ADAM17: variants seen among roughly 807,000 people sequenced by gnomAD.
The protein encoded by ADAM17 is ADAM metallopeptidase domain 17.
ADAM17 carries 39 observed loss-of-function variants against 96.7 expected under a neutral mutation model. The observed-to-expected ratio is 0.40, with a 90% CI of 0.31 to 0.53. The LOEUF (loss-of-function observed/expected upper bound fraction) is 0.53. Ranked by LOEUF, ADAM17 falls within the 20% of genes least tolerant of loss-of-function variation. The pLI, the probability that ADAM17 is intolerant of heterozygous loss-of-function variation, is 0.44. For synonymous variants in ADAM17, 344 were observed against 359.2 expected, an observed-to-expected ratio of 0.96 and a Z score of 0.48; for missense variants, 777 against 1,013.2, an observed-to-expected ratio of 0.77 and a Z score of 3.17.
intron 4 of ADAM17, among the ~76,000 whole-genome samples, chr2:9,531,396 T>C (rs1664732488): frequency 6.6e-6 from 1 of 151,658 alleles, no homozygotes; most frequent in Non-Finnish European, 1.5e-5. Flanking sequence ...TGAAACCCCG[T>C]CTCTACTAAA....
At chr2:9,530,123 G>C (rs1216943899) in intron 4 of ADAM17, among the ~76,000 whole-genome samples, 1 of 152,114 alleles carries the variant, frequency 6.6e-6, no homozygotes, top group East Asian at 1.9e-4. Flanking sequence ...AAGAAACAAG[G>C]GTTACAGAAT....
intron 10 of ADAM17, among the ~76,000 whole-genome samples, chr2:9,515,463 G>A (rs901661169): frequency 2.6e-5 from 4 of 152,062 alleles, no homozygotes; most frequent in Admixed American, 1.3e-4. Flanking sequence ...ATGGCTGGGC[G>A]TAGTGGCTCA....
At chr2:9,491,275 G>A in intron 17 of ADAM17, 124 bp from the exon 18 acceptor site, 2 of 813,352 alleles carry the variant, frequency 2.5e-6, no homozygotes, top group Non-Finnish European at 3.9e-6. Flanking sequence ...GAAAGTGATA[G>A]CAGGCTCAAC....
intron 10 of ADAM17, among the ~76,000 whole-genome samples, chr2:9,513,049 C>T (rs563034060): frequency 2.0e-5 from 3 of 152,028 alleles, no homozygotes; most frequent in Admixed American, 1.3e-4. Flanking sequence ...TTGACCAGTA[C>T]AGTGGCGCAA....
At position 9,490,404 on chromosome 2, in the gene ADAM17, C is replaced by T. The variant is rs374624230; in HGVS notation, c.2248G>A (p.Ala750Thr). 1.9e-6 allele frequency: 3 copies of T among 1,614,130 alleles called. No individual in the cohort carries two copies. Among genetic ancestry groups the T allele is most frequent in the Non-Finnish European group, 2.5e-6 (3 of 1,180,024 alleles). Reference sequence around the variant, plus strand: ...CTCTGGTGGTCCAGTTTTGGAGCTGCTGGCGCCGAAGGGATCACAGGGGCA... The same window carrying T: ...CTCTGGTGGTCCAGTTTTGGAGCTGTTGGCGCCGAAGGGATCACAGGGGCA... ...QPAPVIPSAP[A>T]APKLDHQRMD... is the part of the protein sequence containing the mutation. The change falls in exon 19 of 19, where the codon GCA becomes ACA. Residue 750 changes from alanine to threonine, a missense_variant. Ala to Thr is a moderately conservative substitution (Grantham distance 58, BLOSUM62 0). Around this residue, in one of 3 missense-constraint regions of ADAM17, gnomAD observed 197 missense variants for 219.4 expected, o/e 0.90. Transcript: ENST00000310823.
chr2:9,495,447 T>C (rs1662498507), intron 14 of ADAM17, among the ~76,000 whole-genome samples: 1 of 152,154 alleles, frequency 6.6e-6, no homozygotes. Flanking sequence ...GAGCAGTGGC[T>C]CTCGCTTGTA....
intron 1 of ADAM17, among the ~76,000 whole-genome samples, chr2:9,552,194 T>C (rs1208391696): frequency 6.6e-6 from 1 of 152,192 alleles, no homozygotes; most frequent in Admixed American, 6.5e-5. Flanking sequence ...TATACACTTA[T>C]TATCTCACAA....
rs561117734 is a variant in ADAM17, at chr2:9,506,509, G to A, written c.1345-1144C>T. Among the ~76,000 whole-genome samples, 14 of 152,002 alleles carry A rather than the reference G, an allele frequency of 9.2e-5. No homozygotes were observed. In the East Asian group the frequency reaches 1.9e-3, roughly 21 times the overall value. On this transcript the variant is annotated intron_variant, in intron 11 of 18. Coordinates refer to ENST00000310823, the MANE Select transcript of ADAM17 (RefSeq NM_003183.6). Reference sequence around the variant, plus strand: ...AGCCTCCTGAGTAGCTAGGACTACAGGTGCATGCCACCACGCCCAGCTAAT... The same window carrying A: ...AGCCTCCTGAGTAGCTAGGACTACAAGTGCATGCCACCACGCCCAGCTAAT...
At chr2:9,535,172 AC>A (rs2125033992) in intron 4 of ADAM17, among the ~76,000 whole-genome samples, 1 of 152,318 alleles carries the variant, frequency 6.6e-6, no homozygotes, top group East Asian at 1.9e-4. Context: ...TTTCATTTTG[AC>A]CAATCTTACT....
chr2:9,543,419 AT>A (rs1370169066), intron 1 of ADAM17, 134 bp from the exon 2 acceptor site: 2 of 804,712 alleles, frequency 2.5e-6, no homozygotes, highest in Non-Finnish European at 3.4e-6. Context: ...ACTATAAATC[AT>A]TTTTTATCAA....
At position 9,555,500 on chromosome 2, in the gene ADAM17, G is replaced by C. The variant is rs1221178899; in HGVS notation, c.97+9C>G. ...GCGCCGGCCTAAGCCAACTCCCCTG[G>C]GTCTTTACCGAGTCTCTGGTGGGGG... On this transcript the variant is annotated intron_variant, in intron 1 of 18. Transcript: ENST00000310823. 1 of 1,584,784 alleles carries C rather than the reference G, an allele frequency of 6.3e-7. No individual in the cohort carries two copies. Among genetic ancestry groups the C allele is most frequent in the Non-Finnish European group, 8.6e-7 (1 of 1,165,550 alleles).
At chr2:9,492,314 A>G (rs1042121911) in intron 17 of ADAM17, among the ~76,000 whole-genome samples, 22 of 152,252 alleles carry the variant, frequency 1.4e-4, no homozygotes. Context: ...CCTCAAATTT[A>G]TAAAGGACCA....
intron 1 of ADAM17, among the ~76,000 whole-genome samples, chr2:9,545,347 T>C (rs1360867279): frequency 6.6e-6 from 1 of 151,980 alleles, no homozygotes; most frequent in African/African-American, 2.4e-5. Flanking sequence ...GGCGGGTGGA[T>C]CACCTGAGGT....
At chr2:9,494,223 A>T (rs907437060) in intron 15 of ADAM17, among the ~76,000 whole-genome samples, 1 of 152,216 alleles carries the variant, frequency 6.6e-6, no homozygotes, top group Non-Finnish European at 1.5e-5. Flanking sequence ...TCTCTAGAGA[A>T]CAAAAGGGTC....
chr2:9,513,288 C>G (rs1008852824), intron 10 of ADAM17, among the ~76,000 whole-genome samples: 22 of 152,288 alleles, frequency 1.4e-4, no homozygotes, highest in Admixed American at 5.9e-4. Context: ...GCCACCGCAC[C>G]CAGCTTCTTT....
intron 3 of ADAM17, 139 bp from the exon 4 acceptor site, chr2:9,536,061 C>A: frequency 2.2e-6 from 1 of 459,704 alleles, no homozygotes; most frequent in Non-Finnish European, 3.6e-6. Flanking sequence ...GAAACAAAGG[C>A]TCCAGAAAGA....
At chr2:9,553,070 G>GA (rs796312841) in intron 1 of ADAM17, among the ~76,000 whole-genome samples, 18 of 150,076 alleles carry the variant, frequency 1.2e-4, no homozygotes, top group African/African-American at 4.2e-4. Flanking sequence ...CAAACAAACT[G>GA]AAAAAAAAAG....
At chr2:9,536,997 C>G (rs1664984872) in intron 2 of ADAM17, among the ~76,000 whole-genome samples, 169 bp from the exon 3 acceptor site, 1 of 152,048 alleles carries the variant, frequency 6.6e-6, no homozygotes, top group Non-Finnish European at 1.5e-5. Context: ...CCTGTAACGA[C>G]AAATGAACTA....
At chr2:9,550,238 A>G (rs971369864) in intron 1 of ADAM17, among the ~76,000 whole-genome samples, 1 of 152,112 alleles carries the variant, frequency 6.6e-6, no homozygotes, top group African/African-American at 2.4e-5. Context: ...GATTTATACC[A>G]GTAAAGGAGG....
Sources: gnomAD v4.1 joint callset for allele counts (sites outside exome capture counted in the v4.1 genomes callset) on GRCh38, gnomAD v4.1.1 for gene constraint, gnomAD v4.1.1 regional missense constraint, MANE v1.5 for transcripts, NCBI Gene and HGNC (gene_info 2026-07-23, HGNC 2026-07-21) for gene names.